XRCC5: variants seen among roughly 807,000 people sequenced by gnomAD.
XRCC5 encodes DNA repair protein Ku80.
XRCC5 carries 12 observed loss-of-function variants against 95.7 expected under a neutral mutation model. The observed-to-expected ratio is 0.13, with a 90% CI of 0.08 to 0.20. The LOEUF (loss-of-function observed/expected upper bound fraction) is 0.20, where lower values mean the gene tolerates loss of function less well. Among genes scored for constraint, XRCC5 ranks in the 10% least tolerant of loss-of-function variants. XRCC5 has a pLI of 1.00. For missense variants in XRCC5, 595 were observed against 873.9 expected (o/e 0.68, Z 4.02); for synonymous variants, 281 against 290.3 (o/e 0.97, Z 0.33).
At position 216,148,184 on chromosome 2, in the gene XRCC5, T is replaced by G. The variant is rs1403121244; in HGVS notation, c.1578T>G (p.Ser526Arg). The G allele has an allele frequency of 1.2e-6, 2 of 1,613,978 alleles. No individual in the cohort carries two copies. Among genetic ancestry groups the G allele is most frequent in the Non-Finnish European group, 1.7e-6 (2 of 1,179,998 alleles). ...LNPPAEVTTK[S>R]QIPLSKIKTL... is the part of the protein sequence containing the mutation. ...CTCCCGCTGAGGTGACAACAAAAAG[T>G]CAGATTCCTCTCTCTAAAATAAAGA... Residue 526 changes from serine (S) to arginine (R), a missense_variant, in exon 14 of 21, where the codon AGT (serine) becomes AGG (arginine). Transcript: ENST00000392132.
intron 20 of XRCC5, 131 bp from the exon 21 acceptor site, chr2:216,205,057 C>A: frequency 2.0e-6 from 2 of 1,022,846 alleles, no homozygotes; most frequent in South Asian, 1.4e-5. Context: ...AAATAATGAG[C>A]GGTGAATAAA....
intron 16 of XRCC5, among the ~76,000 whole-genome samples, chr2:216,167,728 G>A (rs1689082650): frequency 6.6e-6 from 1 of 151,888 alleles, no homozygotes; most frequent in Non-Finnish European, 1.5e-5. Context: ...ACACAGCGCT[G>A]GTAAATTTAA....
At chr2:216,193,672 G>C (rs1048874694) in intron 18 of XRCC5, among the ~76,000 whole-genome samples, 2 of 152,224 alleles carry the variant, frequency 1.3e-5, no homozygotes, top group Non-Finnish European at 2.9e-5. Context: ...AAATGAAGGA[G>C]ATTGGTTTTG....
At position 216,126,381 on chromosome 2, in the gene XRCC5, G is replaced by A. The variant is rs188091839; in HGVS notation, c.798+350G>A. On this transcript the variant is annotated intron_variant, in intron 7 of 20. Transcript: ENST00000392132. ...GTATCATAGCAGAAATGTAGATAAT[G>A]CACCAAAGTTAAGTTCAGTTTTGGA... Among the ~76,000 whole-genome samples, 6 of 152,220 alleles carry A rather than the reference G, an allele frequency of 3.9e-5. No individual in the cohort carries two copies. The East Asian group carries it at 9.6e-4, about 24-fold the overall frequency.
At chr2:216,152,910 TTCTC>T (rs1688771176) in intron 14 of XRCC5, among the ~76,000 whole-genome samples, 1 of 152,180 alleles carries the variant, frequency 6.6e-6, no homozygotes, top group Non-Finnish European at 1.5e-5. Context: ...TAATAATTTC[TTCTC>T]TCTTTCTGTA....
intron 5 of XRCC5, among the ~76,000 whole-genome samples, chr2:216,119,437 G>T (rs1696767371): frequency 6.6e-6 from 1 of 152,172 alleles, no homozygotes; most frequent in Non-Finnish European, 1.5e-5. Context: ...TAGACTCAAA[G>T]AATTGAGGAT....
intron 3 of XRCC5, 160 bp downstream of exon 3, chr2:216,117,002 T>A (rs1696709264): frequency 1.3e-6 from 1 of 754,034 alleles, no homozygotes; most frequent in African/African-American, 1.8e-5. Context: ...TAATGTGAAA[T>A]TAATCAGTTT....
At chr2:216,188,608 G>A (rs1175083676) in intron 16 of XRCC5, among the ~76,000 whole-genome samples, 5 of 152,070 alleles carry the variant, frequency 3.3e-5, no homozygotes, top group Non-Finnish European at 5.9e-5. Context: ...ATGTAACCTC[G>A]AGTGAACTTT....
chr2:216,155,497 G>A (rs1271872587), intron 14 of XRCC5, among the ~76,000 whole-genome samples: 1 of 152,140 alleles, frequency 6.6e-6, no homozygotes, highest in Non-Finnish European at 1.5e-5. Flanking sequence ...AGTTGTTGGT[G>A]AGAATATGGG....
At chr2:216,189,979 T>C (rs1449839842) in intron 16 of XRCC5, among the ~76,000 whole-genome samples, 1 of 152,238 alleles carries the variant, frequency 6.6e-6, no homozygotes, top group Non-Finnish European at 1.5e-5. Flanking sequence ...ATTTCAACTA[T>C]AATTCTCAGC....
At chr2:216,165,118 A>G (rs564717968) in intron 16 of XRCC5, among the ~76,000 whole-genome samples, 3 of 152,332 alleles carry the variant, frequency 2.0e-5, no homozygotes, top group South Asian at 2.1e-4. Context: ...TCACATAGGA[A>G]TTCAAACACA....
At chr2:216,142,427 G>A (rs532652060) in intron 13 of XRCC5, among the ~76,000 whole-genome samples, 38 of 152,190 alleles carry the variant, frequency 2.5e-4, no homozygotes, top group African/African-American at 8.7e-4. Flanking sequence ...GAGTCCAAAG[G>A]AATTGGAAGG....
At position 216,135,364 on chromosome 2, in the gene XRCC5, G is replaced by GCAAAGGCCAAA. The variant is rs561758211; in HGVS notation, c.1114-1724_1114-1723insCAAAGGCCAAA. On this transcript the variant is annotated intron_variant, in intron 10 of 20. Coordinates refer to ENST00000392132, the MANE Select transcript of XRCC5 (RefSeq NM_021141.4). ...AGGTAATGGTATGAGCAAAGGCCAA[G>GCAAAGGCCAAA]TATGAGACCTGCCCCCAGTCAGTGA... is the stretch of plus-strand genomic sequence containing the variant. Among the ~76,000 whole-genome samples, 868 of 152,304 alleles carry GCAAAGGCCAAA rather than the reference G, an allele frequency of 5.7e-3. 4 individuals are homozygous for GCAAAGGCCAAA. The highest frequency in any genetic ancestry group is 0.02 in the Middle Eastern group (6 of 294).
At chr2:216,120,673 A>C (rs537585958) in intron 5 of XRCC5, among the ~76,000 whole-genome samples, 72 of 152,122 alleles carry the variant, frequency 4.7e-4, no homozygotes, top group Non-Finnish European at 9.0e-4. Flanking sequence ...CTCCTACCGG[A>C]GCCTTCTGTA....
intron 2 of XRCC5, among the ~76,000 whole-genome samples, chr2:216,116,082 G>A (rs534025860): frequency 6.6e-6 from 1 of 152,178 alleles, no homozygotes; most frequent in South Asian, 2.1e-4. Flanking sequence ...CATTTTTACT[G>A]GAGTATGATA....
chr2:216,137,071 T>C lies in XRCC5; in HGVS notation c.1114-17T>C. 6.2e-7 allele frequency: 1 copy of C among 1,611,112 alleles called. No individual in the cohort carries two copies. The highest frequency in any genetic ancestry group is 8.5e-7 in the Non-Finnish European group (1 of 1,178,604). The stretch of plus-strand genomic sequence containing the variant: ...CACATGTTGAATATGTGTTAATACA[T>C]CCATCTTTCTTACCAGGCAGCTGCA... On this transcript the variant is annotated splice_polypyrimidine_tract_variant and intron_variant, in intron 10 of 20. Transcript: ENST00000392132.
Position 216,205,338 on chromosome 2 carries a change from C to A in XRCC5, c.*136C>A. 2 of 973,972 alleles carry A rather than the reference C, an allele frequency of 2.1e-6. No homozygotes were observed. The highest frequency in any genetic ancestry group is 1.3e-5 in the South Asian group (1 of 75,990). 60.3% of individuals were successfully genotyped at this position (973,972 alleles called of 1,614,324 possible). The stretch of plus-strand genomic sequence containing the variant: ...CCCAGCAGGTTACCTGGAGGCGGAT[C>A]ATCTAATTCTCTGTGGAATGAATAC... On this transcript the variant is annotated 3_prime_UTR_variant, in exon 21 of 21. Transcript: ENST00000392132.
intron 2 of XRCC5, 26 bp downstream of exon 2, chr2:216,113,155 T>A: frequency 6.3e-7 from 1 of 1,591,368 alleles, no homozygotes; most frequent in Non-Finnish European, 8.6e-7. Flanking sequence ...ACACTGAGCT[T>A]GTAACCCATG....
At chr2:216,190,928 T>C (rs1413240773) in intron 17 of XRCC5, among the ~76,000 whole-genome samples, 1 of 152,224 alleles carries the variant, frequency 6.6e-6, no homozygotes, top group Non-Finnish European at 1.5e-5. Flanking sequence ...TTAGAAAGCA[T>C]ATTTTTTAAG....
Sources: gnomAD v4.1 joint callset for allele counts (sites outside exome capture counted in the v4.1 genomes callset) on GRCh38, gnomAD v4.1.1 for gene constraint, MANE v1.5 for transcripts, NCBI Gene and HGNC (gene_info 2026-07-23, HGNC 2026-07-21) for gene names.